The following TTC34 variants were observed in gnomAD, a reference collection of about 807,000 sequenced individuals.
TTC34 encodes the protein tetratricopeptide repeat protein 34.
A neutral mutation model predicts 40.7 loss-of-function variants in TTC34; 44 were observed. The ratio of observed to expected loss-of-function variants is 1.08; its 90% CI spans 0.85 to 1.39. The LOEUF is 1.39. TTC34 is among the 40% of genes most tolerant of loss of function. The pLI is 0.00. For synonymous variants in TTC34, 422 were observed against 398.6 expected, an observed-to-expected ratio of 1.06 and a Z score of -0.70; for missense variants, 884 against 838.0, an observed-to-expected ratio of 1.05 and a Z score of -0.68.
In TTC34 at chr1:2,694,653, C is replaced by A. The variant is rs1640777153; in HGVS notation, c.2227-49090G>T. Reference sequence around the variant, plus strand: ...CACCTCCCGGCGAGCATCTGACGGCCTGGAACAGCACACACACCGCCAGGT... The same window carrying A: ...CACCTCCCGGCGAGCATCTGACGGCATGGAACAGCACACACACCGCCAGGT... On this transcript the variant is annotated intron_variant, in intron 6 of 8. Transcript: ENST00000401095. 2.4e-5 allele frequency among the ~76,000 whole-genome samples: 2 copies of A among 83,396 alleles called. 1 individual carries two copies. Among genetic ancestry groups the A allele is most frequent in the African/African-American group, 7.6e-5 (2 of 26,188 alleles). 54.7% of individuals were successfully genotyped at this position (83,396 alleles called of 152,430 possible).
intron 8 of TTC34, among the ~76,000 whole-genome samples, chr1:2,642,504 G>GC (rs200364971): frequency 2.3e-3 from 352 of 151,960 alleles, no homozygotes; most frequent in East Asian, 4.1e-3. Context: ...AGGCCTGCCT[G>GC]CCCCCCCCAC....
At chr1:2,773,159 C>A (rs1316612341) in intron 6 of TTC34, among the ~76,000 whole-genome samples, 7 of 143,848 alleles carry the variant, frequency 4.9e-5, no homozygotes, top group Non-Finnish European at 9.2e-5. Context: ...CATCTGACAG[C>A]CTGGAGCAGC....
In TTC34 at chr1:2,692,438, C is replaced by G. The variant is rs1199860712; in HGVS notation, c.2227-46875G>C. Among the ~76,000 whole-genome samples the G allele has an allele frequency of 5.5e-5, 7 of 127,546 alleles. 1 individual carries two copies. Among genetic ancestry groups the G allele is most frequent in the Admixed American group, 1.6e-4 (2 of 12,210 alleles). The allele number at this position is 127,546 out of a possible 152,430, so 83.7% of individuals were successfully genotyped here. Reference sequence around the variant, plus strand: ...AGCACCCACACCCCCAGGTGAGCATCTGACTGCCTGGAGCAGCACCCACAC... The same window carrying G: ...AGCACCCACACCCCCAGGTGAGCATGTGACTGCCTGGAGCAGCACCCACAC... On this transcript the variant is annotated intron_variant, in intron 6 of 8. Coordinates refer to ENST00000401095, the Ensembl canonical transcript of TTC34.
intron 6 of TTC34, among the ~76,000 whole-genome samples, chr1:2,683,456 T>A (rs1640172335): frequency 6.6e-6 from 1 of 150,786 alleles, no homozygotes; most frequent in Non-Finnish European, 1.5e-5. Context: ...TCCGACAGCC[T>A]GGAGCAGCAC....
intron 6 of TTC34, among the ~76,000 whole-genome samples, chr1:2,749,462 CG>C: frequency 9.7e-6 from 1 of 102,634 alleles, no homozygotes; most frequent in Admixed American, 9.8e-5. Context: ...GAGCATCTGA[CG>C]GCCTGGAACA....
At chr1:2,789,416 T>A in intron 3 of TTC34, 87 bp downstream of exon 3, 1 of 1,323,710 alleles carries the variant, frequency 7.6e-7, no homozygotes, top group Non-Finnish European at 1.0e-6. Context: ...TTCATTCCTT[T>A]GTAAAATAGG....
chr1:2,752,179 A>G (rs1641341220), intron 6 of TTC34, among the ~76,000 whole-genome samples: 1 of 120,258 alleles, frequency 8.3e-6, no homozygotes, highest in Admixed American at 8.5e-5. Flanking sequence ...CCAACAGGTG[A>G]GCATCTGACA....
At chr1:2,682,231 C>G (rs1179618404) in intron 6 of TTC34, among the ~76,000 whole-genome samples, 1 of 136,908 alleles carries the variant, frequency 7.3e-6, no homozygotes, top group African/African-American at 2.6e-5. Context: ...ACCCACAACC[C>G]CAAGTGAGCA....
intron 6 of TTC34, among the ~76,000 whole-genome samples, chr1:2,769,389 C>G (rs1569759347): frequency 6.8e-5 from 3 of 43,988 alleles, no homozygotes; most frequent in African/African-American, 4.0e-4. Flanking sequence ...CCCCACACCC[C>G]CAGGTGAGCA....
chr1:2,798,991 C>A (rs1200064457), intron 2 of TTC34, among the ~76,000 whole-genome samples: 11 of 147,102 alleles, frequency 7.5e-5, no homozygotes, highest in Admixed American at 5.4e-4. Flanking sequence ...GCCTCCAAGC[C>A]TCCCAGCCTC....
intron 6 of TTC34, among the ~76,000 whole-genome samples, chr1:2,768,586 G>A (rs1343965113): frequency 6.6e-6 from 1 of 151,952 alleles, no homozygotes; most frequent in Non-Finnish European, 1.5e-5. Context: ...CACACAGCCA[G>A]GTGAGCAGCT....
chr1:2,641,601 C>T, exon 9 of TTC34: 1 of 1,533,926 alleles, frequency 6.5e-7, no homozygotes, highest in Non-Finnish European at 8.7e-7. Flanking sequence ...AGCTTCAGGG[C>T]CTGGGCAAAG....
rs1283975113 is a variant in TTC34 at position 2,692,397 on chromosome 1, T to C, written c.2227-46834A>G. Among the ~76,000 whole-genome samples, 7 of 86,208 alleles carry C rather than the reference T, an allele frequency of 8.1e-5. 3 individuals are homozygous for C. The highest frequency in any genetic ancestry group is 1.3e-4 in the Non-Finnish European group (5 of 38,290). The allele number at this position is 86,208 out of a possible 152,430, so 56.6% of individuals were successfully genotyped here. A position where few individuals can be genotyped will look rare whatever the true frequency, so the allele number is the denominator to read the frequency against. The stretch of plus-strand genomic sequence containing the variant: ...CAGCGTCCACACCCCCAGGTGAGCA[T>C]CTGGCAGCCTGGAGCAGCACCCACA... On this transcript the variant is annotated intron_variant, in intron 6 of 8. Coordinates refer to ENST00000401095, the Ensembl canonical transcript of TTC34.
At chr1:2,754,260 C>A (rs1641424445) in intron 6 of TTC34, among the ~76,000 whole-genome samples, 1 of 57,944 alleles carries the variant, frequency 1.7e-5, no homozygotes, top group Non-Finnish European at 3.0e-5. Flanking sequence ...ACCCCCATGC[C>A]CAGGTGAGCC....
chr1:2,643,099 C>T (rs1638943075), intron 8 of TTC34, among the ~76,000 whole-genome samples: 1 of 152,186 alleles, frequency 6.6e-6, no homozygotes, highest in African/African-American at 2.4e-5. Flanking sequence ...GGCGAGGCCC[C>T]GAGCAGCTGT....
chr1:2,646,164 A>G (rs1254666124), intron 6 of TTC34, among the ~76,000 whole-genome samples: 1 of 152,156 alleles, frequency 6.6e-6, no homozygotes, highest in Non-Finnish European at 1.5e-5. Flanking sequence ...TCTTTCTAGC[A>G]ATTGCCTTGT....
intron 6 of TTC34, among the ~76,000 whole-genome samples, chr1:2,752,505 T>A (rs1434010584): frequency 2.1e-5 from 3 of 141,196 alleles, no homozygotes; most frequent in Non-Finnish European, 4.6e-5. Flanking sequence ...CAGGTGAGCA[T>A]CTGACAGCCT....
In TTC34 at chr1:2,645,475, GC is replaced by G. The variant is rs1284190085; in HGVS notation, c.2314del (p.Ala772ProfsTer15). The G allele has an allele frequency of 6.5e-7, 1 of 1,532,968 alleles. No individual in the cohort carries two copies. Among genetic ancestry groups the G allele is most frequent in the East Asian group, 2.5e-5 (1 of 40,710 alleles). The allele number at this position is 1,532,968 out of a possible 1,614,324, so 95.0% of individuals were successfully genotyped here. ...GGAGTAGAGGCCCTGTGTGATGAGG[GC>G]CTGGGCTTCCGGCTTCAGAGAGCGG... On this transcript the variant is annotated frameshift_variant, in exon 7 of 9. Transcript: ENST00000401095. LOFTEE classifies it high-confidence loss of function. This position sits in a 1 kb window ranked among gnomAD's most constrained non-coding sequence, Gnocchi z 4.7.
intron 7 of TTC34, among the ~76,000 whole-genome samples, chr1:2,644,811 G>T (rs1039078354): frequency 6.6e-6 from 1 of 152,210 alleles, no homozygotes; most frequent in African/African-American, 2.4e-5. Flanking sequence ...GAAGCCCTTG[G>T]TGGGCAAATG....
Sources: allele counts gnomAD v4.1 joint callset (sites outside exome capture counted in the v4.1 genomes callset), GRCh38; gene constraint gnomAD v4.1.1; non-coding constraint Gnocchi (gnomAD v3.1); transcripts MANE v1.5; gene names NCBI Gene and HGNC (gene_info 2026-07-23, HGNC 2026-07-21).